Variants in CNTN5 observed in about 807,000 individuals in gnomAD.
CNTN5 encodes contactin-5.
In CNTN5, 77 loss-of-function variants were observed where a neutral mutation model predicts 129.1. The ratio of observed to expected loss-of-function variants is 0.60; its 90% CI spans 0.50 to 0.72. The LOEUF (loss-of-function observed/expected upper bound fraction) is 0.72. CNTN5 is among the 30% of genes least tolerant of loss of function. The pLI is 0.00. For synonymous variants in CNTN5, 509 were observed against 465.6 expected, an observed-to-expected ratio of 1.09 and a Z score of -1.20; for missense variants, 1,478 against 1,328.8, an observed-to-expected ratio of 1.11 and a Z score of -1.75.
intron 2 of CNTN5, among the ~76,000 whole-genome samples, chr11:99,436,910 C>T (rs1943621525): frequency 6.6e-6 from 1 of 152,024 alleles, no homozygotes; most frequent in Non-Finnish European, 1.5e-5. Flanking sequence ...TTATAATAAC[C>T]TCTCCCTAAA....
intron 6 of CNTN5, among the ~76,000 whole-genome samples, chr11:99,867,209 T>C (rs1668182771): frequency 6.6e-6 from 1 of 152,174 alleles, no homozygotes; most frequent in Non-Finnish European, 1.5e-5. Flanking sequence ...AAGACCTATC[T>C]TTCCCACCCT....
At chr11:99,106,393 C>T (rs1296724923) in intron 1 of CNTN5, among the ~76,000 whole-genome samples, 2 of 151,810 alleles carry the variant, frequency 1.3e-5, no homozygotes, top group Non-Finnish European at 2.9e-5. Context: ...GAACTGTGTG[C>T]AGTATTATAA....
At chr11:99,267,252 C>A (rs1232240897) in intron 1 of CNTN5, among the ~76,000 whole-genome samples, 1 of 151,970 alleles carries the variant, frequency 6.6e-6, no homozygotes, top group East Asian at 1.9e-4. Flanking sequence ...AAAATGCAAA[C>A]TTCCAACTAG....
At chr11:99,714,431 C>T (rs1417911122) in intron 3 of CNTN5, among the ~76,000 whole-genome samples, 1 of 151,884 alleles carries the variant, frequency 6.6e-6, no homozygotes, top group Non-Finnish European at 1.5e-5. Context: ...CTCATCATCT[C>T]ATGCTGTGTA....
At chr11:99,909,468 C>A (rs369125039) in intron 6 of CNTN5, among the ~76,000 whole-genome samples, 4 of 152,164 alleles carry the variant, frequency 2.6e-5, no homozygotes, top group Admixed American at 2.0e-4. Flanking sequence ...TGGGTATATA[C>A]CCAAAGGATT....
chr11:99,858,149 A>G (rs1392458392), intron 6 of CNTN5, among the ~76,000 whole-genome samples: 2 of 152,104 alleles, frequency 1.3e-5, no homozygotes, highest in Admixed American at 6.5e-5. Flanking sequence ...TAATAGGTGG[A>G]TGAATTTAGA....
chr11:100,206,213 C>G (rs899162735), intron 15 of CNTN5, among the ~76,000 whole-genome samples: 1 of 152,024 alleles, frequency 6.6e-6, no homozygotes, highest in African/African-American at 2.4e-5. Flanking sequence ...GTAAGTTTTG[C>G]AGACAAAGCA....
At chr11:99,130,045 A>C (rs1360163186) in intron 1 of CNTN5, among the ~76,000 whole-genome samples, 1 of 152,236 alleles carries the variant, frequency 6.6e-6, no homozygotes, top group African/African-American at 2.4e-5. Context: ...CTATGAAGCA[A>C]TTACATTAAC....
chr11:99,338,286 T>G (rs1565501859), intron 2 of CNTN5, among the ~76,000 whole-genome samples: 1 of 152,216 alleles, frequency 6.6e-6, no homozygotes. Flanking sequence ...TCATTCTTTT[T>G]CTTTCATAAA....
chr11:100,173,639 A>C (rs1947884235), intron 13 of CNTN5, among the ~76,000 whole-genome samples: 1 of 152,112 alleles, frequency 6.6e-6, no homozygotes. Flanking sequence ...GGTAGTTGAA[A>C]GAAGTTTAGA....
At chr11:99,335,137 T>C (rs1866167651) in intron 2 of CNTN5, among the ~76,000 whole-genome samples, 1 of 152,170 alleles carries the variant, frequency 6.6e-6, no homozygotes, top group Non-Finnish European at 1.5e-5. Context: ...TTGTGAAGTG[T>C]CAGAAGCTGT....
rs772272182 is a variant in CNTN5, at chr11:99,845,287, A to G, written c.577+25A>G. On this transcript the variant is annotated intron_variant, in intron 6 of 24. Transcript: ENST00000524871. ...TGTGAGTAAAATATATGATTTTTCT[A>G]TATATATGTATATAGTGTGTATATA... The G allele has an allele frequency of 1.0e-5, 15 of 1,466,254 alleles. No homozygotes were observed. In the African/African-American group the frequency reaches 1.1e-4, roughly 11 times the overall value. 90.8% of individuals were successfully genotyped at this position (1,466,254 alleles called of 1,614,324 possible). A position where few individuals can be genotyped will look rare whatever the true frequency, so the allele number is the denominator to read the frequency against.
At chr11:100,049,183 T>G (rs923639477) in intron 9 of CNTN5, among the ~76,000 whole-genome samples, 1 of 152,122 alleles carries the variant, frequency 6.6e-6, no homozygotes, top group Non-Finnish European at 1.5e-5. Flanking sequence ...TGTTTTTAAT[T>G]TCTAAAATTT....
chr11:100,242,789 T>C (rs558631489), intron 16 of CNTN5, among the ~76,000 whole-genome samples: 50 of 152,148 alleles, frequency 3.3e-4, no homozygotes, highest in Non-Finnish European at 6.5e-4. Context: ...AGATTAACTA[T>C]ACAAATGAAT....
At chr11:100,241,623 C>T (rs559454081) in intron 16 of CNTN5, among the ~76,000 whole-genome samples, 5 of 152,184 alleles carry the variant, frequency 3.3e-5, no homozygotes, top group Non-Finnish European at 7.3e-5. Context: ...GAGTTCAAGT[C>T]TTCAAACGAC....
intron 3 of CNTN5, among the ~76,000 whole-genome samples, chr11:99,807,945 T>G (rs563019328): frequency 2.0e-5 from 3 of 152,312 alleles, no homozygotes; most frequent in Non-Finnish European, 2.9e-5. Flanking sequence ...ACCACCGTTT[T>G]GGATCTGAAC....
At chr11:99,484,305 A>G (rs1177950606) in intron 2 of CNTN5, among the ~76,000 whole-genome samples, 1 of 152,210 alleles carries the variant, frequency 6.6e-6, no homozygotes, top group Non-Finnish European at 1.5e-5. Flanking sequence ...CATCAGGGAA[A>G]TGCAAATCAA....
At chr11:100,019,043 A>C (rs1332489187) in intron 9 of CNTN5, among the ~76,000 whole-genome samples, 1 of 151,886 alleles carries the variant, frequency 6.6e-6, no homozygotes, top group Non-Finnish European at 1.5e-5. Flanking sequence ...AATTCTGGAA[A>C]CAAGTCCTTT....
At chr11:99,022,018 T>C (rs759081711) in intron 1 of CNTN5, among the ~76,000 whole-genome samples, 1 of 152,204 alleles carries the variant, frequency 6.6e-6, no homozygotes, top group Non-Finnish European at 1.5e-5. Flanking sequence ...TTTAGAATTA[T>C]ATTACTTTTA....
Sources: allele counts gnomAD v4.1 joint callset (sites outside exome capture counted in the v4.1 genomes callset), GRCh38; gene constraint gnomAD v4.1.1; transcripts MANE v1.5; gene names NCBI Gene and HGNC (gene_info 2026-07-23, HGNC 2026-07-21).